Variants in MIGA1 observed in about 807,000 individuals in gnomAD.
MIGA1 encodes mitoguardin 1.
A neutral mutation model predicts 82.0 loss-of-function variants in MIGA1; 58 were observed. That is an observed-to-expected ratio of 0.71 (90% CI 0.57 to 0.88). MIGA1 has a LOEUF of 0.88. Ranked by LOEUF, MIGA1 falls within the 40% of genes least tolerant of loss-of-function variation. The pLI, the probability that MIGA1 is intolerant of heterozygous loss-of-function variation, is 0.00. For missense variants in MIGA1, 751 were observed against 749.1 expected, an observed-to-expected ratio of 1.00 and a Z score of -0.03; for synonymous variants, 249 against 253.6, an observed-to-expected ratio of 0.98 and a Z score of 0.17.
chr1:77,847,038 C>T (rs774410172), intron 8 of MIGA1: 27 of 704,270 alleles, frequency 3.8e-5, no homozygotes, highest in South Asian at 2.0e-4. Flanking sequence ...TCTGATTTGA[C>T]GACACTTATT....
Position 77,877,424 on chromosome 1 carries a change from T to C in MIGA1, c.*2360T>C, listed in dbSNP as rs1234988904. The C allele has an allele frequency of 6.6e-6, 1 of 152,196 alleles. No homozygotes were observed. The highest frequency in any genetic ancestry group is 1.5e-5 in the Non-Finnish European group (1 of 68,038). 9.4% of individuals were successfully genotyped at this position (152,196 alleles called of 1,614,324 possible). A position where few individuals can be genotyped will look rare whatever the true frequency, so the allele number is the denominator to read the frequency against. Reference sequence around the variant, plus strand: ...GATGCTTAATTTAACAATTACCTATTTATAGTTCTTATTATTGACGGGAAT... The same window carrying C: ...GATGCTTAATTTAACAATTACCTATCTATAGTTCTTATTATTGACGGGAAT... On this transcript the variant is annotated 3_prime_UTR_variant, in exon 16 of 16. Coordinates refer to ENST00000370791, the MANE Select transcript of MIGA1 (RefSeq NM_198549.4).
intron 15 of MIGA1, among the ~76,000 whole-genome samples, chr1:77,874,303 C>T (rs908018669): frequency 2.6e-5 from 4 of 151,954 alleles, no homozygotes; most frequent in Non-Finnish European, 2.9e-5. Flanking sequence ...TGATTTGAGA[C>T]CTGAAATGTT....
chr1:77,846,820 G>A (rs927604982), intron 8 of MIGA1, among the ~76,000 whole-genome samples: 3 of 151,920 alleles, frequency 2.0e-5, no homozygotes, highest in African/African-American at 7.3e-5. Context: ...GGTGGCGGGC[G>A]CCTGTAGTCC....
intron 14 of MIGA1, among the ~76,000 whole-genome samples, chr1:77,869,183 G>C (rs1346093990): frequency 1.4e-5 from 2 of 143,784 alleles, no homozygotes; most frequent in African/African-American, 5.2e-5. Context: ...GTTTAACAAA[G>C]CACATCTTGC....
chr1:77,864,950 T>C (rs1685607873), intron 13 of MIGA1, among the ~76,000 whole-genome samples: 1 of 152,212 alleles, frequency 6.6e-6, no homozygotes, highest in South Asian at 2.1e-4. Context: ...ATGTTCCAGT[T>C]GGCAATTTCA....
intron 7 of MIGA1, among the ~76,000 whole-genome samples, chr1:77,815,924 G>A (rs1002334028): frequency 1.3e-5 from 2 of 151,800 alleles, no homozygotes; most frequent in Non-Finnish European, 2.9e-5. Flanking sequence ...GTGGAGACAA[G>A]ATGAGGTTTT....
chr1:77,870,849 A>T (rs1346370119), intron 14 of MIGA1, among the ~76,000 whole-genome samples: 1 of 151,196 alleles, frequency 6.6e-6, no homozygotes, highest in African/African-American at 2.4e-5. Flanking sequence ...CGGGAGGCCG[A>T]GGCCGGCGGA....
At chr1:77,811,339 A>T in intron 5 of MIGA1, 2 of 1,606,876 alleles carry the variant, frequency 1.2e-6, no homozygotes, top group East Asian at 4.5e-5. Flanking sequence ...TCTAGCAGGA[A>T]AAGAATCAGG....
intron 2 of MIGA1, among the ~76,000 whole-genome samples, chr1:77,789,609 T>A (rs959260412): frequency 1.1e-4 from 17 of 152,228 alleles, no homozygotes; most frequent in African/African-American, 3.9e-4. Context: ...AAAATCGTTT[T>A]GATCTTATGG....
At chr1:77,798,972 T>C (rs1455682202) in intron 2 of MIGA1, among the ~76,000 whole-genome samples, 3 of 152,104 alleles carry the variant, frequency 2.0e-5, no homozygotes, top group African/African-American at 7.2e-5. Flanking sequence ...GTTGAGATAA[T>C]ATTATGGCTT....
chr1:77,866,792 T>C (rs543416265), intron 14 of MIGA1, among the ~76,000 whole-genome samples: 1 of 151,964 alleles, frequency 6.6e-6, no homozygotes, highest in South Asian at 2.1e-4. Context: ...CAAGCGATTC[T>C]TCTGCCTCAG....
chr1:77,834,518 C>T (rs539134506), intron 7 of MIGA1, among the ~76,000 whole-genome samples: 1 of 152,228 alleles, frequency 6.6e-6, no homozygotes, highest in South Asian at 2.1e-4. Flanking sequence ...TATTGTTTCT[C>T]TTTTCAATAT....
intron 7 of MIGA1, among the ~76,000 whole-genome samples, chr1:77,815,820 A>G (rs547384583): frequency 2.6e-5 from 4 of 152,130 alleles, no homozygotes; most frequent in East Asian, 1.9e-4. Context: ...GCCTTGACCT[A>G]TTGGGCTCAA....
intron 8 of MIGA1, chr1:77,847,254 T>C: frequency 1.9e-6 from 2 of 1,027,600 alleles, no homozygotes; most frequent in South Asian, 1.3e-5. Context: ...AGAGGGAAGC[T>C]GCTAAGAAGC....
At chr1:77,796,627 A>G (rs1682669487) in intron 2 of MIGA1, among the ~76,000 whole-genome samples, 1 of 152,174 alleles carries the variant, frequency 6.6e-6, no homozygotes, top group Non-Finnish European at 1.5e-5. Context: ...AACAGGTTAC[A>G]GTATTTATGT....
intron 7 of MIGA1, among the ~76,000 whole-genome samples, chr1:77,827,507 T>C (rs1328500340): frequency 6.6e-6 from 1 of 151,936 alleles, no homozygotes; most frequent in Non-Finnish European, 1.5e-5. Flanking sequence ...AAAAATTATC[T>C]GGAGAAGAGA....
rs775484751 is a variant in MIGA1 at position 77,873,034 on chromosome 1, G to T, written c.1594G>T (p.Ala532Ser). 2.5e-6 allele frequency: 4 copies of T among 1,613,834 alleles called. No homozygotes were observed. The highest frequency in any genetic ancestry group is 1.7e-5 in the Admixed American group (1 of 59,972). Residue 532 changes from alanine (A) to serine (S), a missense_variant, in exon 15 of 16, where the codon GCC (alanine) becomes TCC (serine). This residue lies in a region of MIGA1 where 265 missense variants were observed against 293.6 expected (regional missense o/e 0.90). Transcript: ENST00000370791. Reference sequence around the variant, plus strand: ...AGATGGATTTTTTGCCCATTTTTATGCCATTTGTGAACACATCAGTCCTGT... The same window carrying T: ...AGATGGATTTTTTGCCCATTTTTATTCCATTTGTGAACACATCAGTCCTGT...
At chr1:77,870,309 G>A (rs1359514630) in intron 14 of MIGA1, among the ~76,000 whole-genome samples, 8 of 113,916 alleles carry the variant, frequency 7.0e-5, no homozygotes, top group African/African-American at 2.6e-4. Context: ...CGGACGGAGG[G>A]GCTCCTCACT....
chr1:77,838,789 T>C (rs1684523114), intron 7 of MIGA1, among the ~76,000 whole-genome samples: 2 of 152,288 alleles, frequency 1.3e-5, no homozygotes, highest in South Asian at 2.1e-4. Context: ...TAAGTGTGTT[T>C]AGTTTTGTCT....
Sources: allele counts gnomAD v4.1 joint callset (sites outside exome capture counted in the v4.1 genomes callset), GRCh38; gene constraint gnomAD v4.1.1; regional missense constraint gnomAD v4.1.1; transcripts MANE v1.5; gene names NCBI Gene and HGNC (gene_info 2026-07-23, HGNC 2026-07-21).